The following GPHN variants were observed in gnomAD, a reference collection of about 807,000 sequenced individuals.
GPHN encodes gephyrin.
GPHN carries 17 observed loss-of-function variants against 95.5 expected under a neutral mutation model. That is an observed-to-expected ratio of 0.18 (90% CI 0.12 to 0.27). GPHN has a LOEUF of 0.27. GPHN is among the 10% of genes least tolerant of loss of function. The pLI is 1.00. For missense variants in GPHN, 660 were observed against 978.1 expected (o/e 0.67, Z 4.34); for synonymous variants, 320 against 322.5 (o/e 0.99, Z 0.08).
At chr14:67,600,011 G>C in the GPHN span, 136 of 1,547,390 alleles carry the variant, frequency 8.8e-5, 1 homozygote, top group East Asian at 7.3e-4. Context: ...GGGAGGGGCC[G>C]ACTTGCCATT....
chr14:67,527,865 C>T, the GPHN span, among the ~76,000 whole-genome samples: 1 of 152,190 alleles, frequency 6.6e-6, no homozygotes, highest in Non-Finnish European at 1.5e-5. Flanking sequence ...ATGTAGGACC[C>T]CACCCCAGAC....
intron 2 of GPHN, among the ~76,000 whole-genome samples, chr14:66,724,648 C>A (rs1197337006): frequency 6.6e-6 from 1 of 152,168 alleles, no homozygotes; most frequent in East Asian, 1.9e-4. Context: ...GTACCTCTTA[C>A]ATGAGAGTCT....
the GPHN span, chr14:67,208,099 T>C: frequency 6.0e-6 from 9 of 1,498,318 alleles, no homozygotes; most frequent in Non-Finnish European, 8.0e-6. Context: ...GGGTGCTCAG[T>C]GACGATGAAT....
chr14:66,644,042 A>C (rs903088713), intron 1 of GPHN, among the ~76,000 whole-genome samples: 1 of 151,944 alleles, frequency 6.6e-6, no homozygotes, highest in Non-Finnish European at 1.5e-5. Flanking sequence ...GGGGCTTTAC[A>C]TTAGTTCTTT....
intron 13 of GPHN, among the ~76,000 whole-genome samples, chr14:67,102,074 A>G (rs1021213082): frequency 6.6e-6 from 1 of 151,522 alleles, no homozygotes; most frequent in African/African-American, 2.4e-5. Context: ...GGATTTCACC[A>G]TGTTAGCCAG....
At chr14:66,720,875 A>AT (rs1229586963) in intron 2 of GPHN, among the ~76,000 whole-genome samples, 1 of 152,170 alleles carries the variant, frequency 6.6e-6, no homozygotes, top group African/African-American at 2.4e-5. Context: ...TTTGTAAAAA[A>AT]CAGAAAAACA....
intron 2 of GPHN, 124 bp downstream of exon 2, chr14:66,681,309 G>A (rs1045191084): frequency 8.5e-5 from 57 of 670,772 alleles, no homozygotes; most frequent in Admixed American, 1.9e-4. Flanking sequence ...CTAATAATGC[G>A]TTTTACACAT....
chr14:67,548,868 G>GT, the GPHN span, among the ~76,000 whole-genome samples: 36 of 152,308 alleles, frequency 2.4e-4, no homozygotes, highest in Non-Finnish European at 5.0e-4. Context: ...GTATAACTCA[G>GT]TTTTTGATCT....
chr14:66,520,399 G>T (rs2058428066), intron 1 of GPHN, among the ~76,000 whole-genome samples: 1 of 152,068 alleles, frequency 6.6e-6, no homozygotes, highest in African/African-American at 2.4e-5. Context: ...CCTTTTATTA[G>T]GATTCTTTAT....
the GPHN span, chr14:67,302,379 AT>A: frequency 7.5e-7 from 1 of 1,329,076 alleles, no homozygotes; most frequent in Non-Finnish European, 9.8e-7. Context: ...TATTATTTTT[AT>A]TTTTAAATTA....
intron 3 of GPHN, among the ~76,000 whole-genome samples, chr14:66,801,163 G>T (rs529328492): frequency 6.6e-6 from 1 of 152,082 alleles, no homozygotes; most frequent in South Asian, 2.1e-4. Context: ...TGTCTCAGTG[G>T]CCACATATCT....
the GPHN span, chr14:67,572,396 A>C: frequency 3.9e-6 from 1 of 254,368 alleles, no homozygotes; most frequent in Non-Finnish European, 7.4e-6. Flanking sequence ...GAGCTGGGGG[A>C]TGGGGGCAGG....
At chr14:66,932,460 T>TTTTG (rs1567118480) in intron 8 of GPHN, among the ~76,000 whole-genome samples, 18 of 128,238 alleles carry the variant, frequency 1.4e-4, no homozygotes, top group Non-Finnish European at 2.5e-4. Flanking sequence ...TTTTTTTTTT[T>TTTTG]TTTTTTTTTT....
intron 10 of GPHN, among the ~76,000 whole-genome samples, chr14:67,040,588 C>CGTTACATTTAGTTATCCTGTCTCT (rs1314153191): frequency 5.3e-5 from 8 of 152,092 alleles, no homozygotes; most frequent in African/African-American, 1.9e-4. Context: ...CAGAATCATG[C>CGTTACATTTAGTTATCCTGTCTCT]GTTACATTTA....
chr14:67,573,810 A>G, the GPHN span: 1 of 1,611,024 alleles, frequency 6.2e-7, no homozygotes, highest in Non-Finnish European at 8.5e-7. The surrounding 1 kb of genome is among the most constrained non-coding windows in gnomAD (Gnocchi z 4.8). Context: ...GAGTGATGTC[A>G]TCCGGAAACC....
chr14:67,388,516 A>C, the GPHN span, among the ~76,000 whole-genome samples: 1 of 152,162 alleles, frequency 6.6e-6, no homozygotes. Flanking sequence ...AGTGCCCATC[A>C]ATGTTGCAGT....
chr14:67,085,485 A>G (rs1169986557), intron 11 of GPHN, among the ~76,000 whole-genome samples: 2 of 152,206 alleles, frequency 1.3e-5, no homozygotes, highest in Middle Eastern at 3.2e-3. Context: ...TGTGAGATCT[A>G]TAATACAGCT....
intron 1 of GPHN, among the ~76,000 whole-genome samples, chr14:66,522,025 G>A (rs776086609): frequency 2.0e-5 from 3 of 151,974 alleles, no homozygotes; most frequent in Non-Finnish European, 4.4e-5. Context: ...CCATGAAAAT[G>A]CTCCTCTGGC....
chr14:66,556,825 T>C (rs1230394846), intron 1 of GPHN, among the ~76,000 whole-genome samples: 1 of 152,178 alleles, frequency 6.6e-6, no homozygotes, highest in Admixed American at 6.5e-5. Context: ...GCAACTGTTA[T>C]AGTATCTTTG....
Sources: allele counts gnomAD v4.1 joint callset (sites outside exome capture counted in the v4.1 genomes callset), GRCh38; gene constraint gnomAD v4.1.1; non-coding constraint Gnocchi (gnomAD v3.1); transcripts MANE v1.5; gene names NCBI Gene and HGNC (gene_info 2026-07-23, HGNC 2026-07-21).